Variants in RETREG1 observed in about 807,000 individuals in gnomAD.
The protein encoded by RETREG1 is family with sequence similarity 134 member B.
Under a neutral mutation model 54.8 loss-of-function variants are expected in RETREG1, and 44 were observed. The ratio of observed to expected loss-of-function variants is 0.80; its 90% confidence interval spans 0.63 to 1.03. The LOEUF (loss-of-function observed/expected upper bound fraction) is 1.03, where lower values mean the gene tolerates loss of function less well. Ranked by LOEUF, RETREG1 falls within the 50% of genes least tolerant of loss-of-function variation. RETREG1 has a pLI of 0.00. For synonymous variants in RETREG1, 217 were observed against 238.5 expected, an observed-to-expected ratio of 0.91 and a Z score of 0.83; for missense variants, 554 against 605.1, an observed-to-expected ratio of 0.92 and a Z score of 0.89.
intron 1 of RETREG1, among the ~76,000 whole-genome samples, chr5:16,575,163 T>G (rs1416633193): frequency 1.3e-5 from 2 of 152,194 alleles, no homozygotes; most frequent in African/African-American, 4.8e-5. Context: ...GAAAAACAAG[T>G]TTTGAAAAAT....
intron 3 of RETREG1, among the ~76,000 whole-genome samples, chr5:16,493,316 C>T (rs894864479): frequency 6.6e-6 from 1 of 152,102 alleles, no homozygotes; most frequent in Non-Finnish European, 1.5e-5. Flanking sequence ...CATTTTTCAG[C>T]GTTTTTAATT....
chr5:16,556,885 A>G (rs1741725313), intron 3 of RETREG1, among the ~76,000 whole-genome samples: 1 of 152,184 alleles, frequency 6.6e-6, no homozygotes, highest in East Asian at 1.9e-4. Flanking sequence ...GCTGGAGTAC[A>G]GTGGCACCAT....
intron 1 of RETREG1, among the ~76,000 whole-genome samples, chr5:16,612,174 G>GGGGT (rs1743363231): frequency 6.6e-6 from 1 of 152,152 alleles, no homozygotes; most frequent in Non-Finnish European, 1.5e-5. Context: ...TCAGTCCCCA[G>GGGGT]GGGTGGGTGC....
At chr5:16,554,987 C>T (rs1015321978) in intron 3 of RETREG1, among the ~76,000 whole-genome samples, 1 of 152,136 alleles carries the variant, frequency 6.6e-6, no homozygotes, top group Non-Finnish European at 1.5e-5. Context: ...TTCCTGAGTG[C>T]CACATTACAA....
chr5:16,553,664 G>A (rs1037816184), intron 3 of RETREG1, among the ~76,000 whole-genome samples: 1 of 152,014 alleles, frequency 6.6e-6, no homozygotes, highest in Non-Finnish European at 1.5e-5. Context: ...CAAACTTCAG[G>A]ACCATGCTTG....
intron 1 of RETREG1, among the ~76,000 whole-genome samples, chr5:16,587,911 C>A (rs1742664633): frequency 6.6e-6 from 1 of 152,172 alleles, no homozygotes; most frequent in African/African-American, 2.4e-5. Context: ...CAATCCCTTT[C>A]CAGGTGAATG....
chr5:16,576,288 CTTTTTCT>C (rs1742314664), intron 1 of RETREG1, among the ~76,000 whole-genome samples: 1 of 139,658 alleles, frequency 7.2e-6, no homozygotes, highest in African/African-American at 2.7e-5. Flanking sequence ...AAGATTTTTT[CTTTTTCT>C]TTTTTTTTTT....
chr5:16,576,354 G>A (rs557997242), intron 1 of RETREG1, among the ~76,000 whole-genome samples: 7 of 149,110 alleles, frequency 4.7e-5, no homozygotes, highest in Non-Finnish European at 4.4e-5. Flanking sequence ...GGGCAGTGGC[G>A]CAATCTTGGC....
At chr5:16,562,354 T>TA (rs1374520556) in intron 3 of RETREG1, among the ~76,000 whole-genome samples, 1 of 152,028 alleles carries the variant, frequency 6.6e-6, no homozygotes, top group Non-Finnish European at 1.5e-5. Context: ...TTAAGACACT[T>TA]ACCCAAGGCA....
chr5:16,529,177 A>C (rs973266256), intron 3 of RETREG1, among the ~76,000 whole-genome samples: 8 of 152,188 alleles, frequency 5.3e-5, no homozygotes, highest in African/African-American at 1.9e-4. Flanking sequence ...AAAATCTACA[A>C]ATGCAAATAA....
At chr5:16,475,307 A>T in intron 8 of RETREG1, 73 bp from the exon 9 acceptor site, 4 of 1,549,458 alleles carry the variant, frequency 2.6e-6, no homozygotes, top group Non-Finnish European at 3.5e-6. Flanking sequence ...GTCTAAAGAT[A>T]TCTGACTTTA....
chr5:16,530,593 C>G (rs1740882351), intron 3 of RETREG1, among the ~76,000 whole-genome samples: 1 of 152,178 alleles, frequency 6.6e-6, no homozygotes, highest in Admixed American at 6.5e-5. Context: ...CACCTGAGGG[C>G]CGGGCACAGT....
intron 3 of RETREG1, among the ~76,000 whole-genome samples, chr5:16,511,503 C>T (rs1203853505): frequency 2.0e-5 from 3 of 152,216 alleles, no homozygotes; most frequent in South Asian, 2.1e-4. Flanking sequence ...TATAACCCCA[C>T]AGTAGGTCAA....
Position 16,582,903 on chromosome 5 carries a change from A to G in RETREG1, c.321-10801T>C, listed in dbSNP as rs145476098. Among the ~76,000 whole-genome samples, 140 of 152,290 alleles carry G rather than the reference A, an allele frequency of 9.2e-4. 2 individuals are homozygous for G. The East Asian group carries it at 0.021, about 23-fold the overall frequency. ...GTAAGCCAGCATCTTCCCTCTCTCT[A>G]CATGGATCACTCGGACCCCTGCCAT... On this transcript the variant is annotated intron_variant, in intron 1 of 8. Transcript: ENST00000306320.
chr5:16,571,106 T>C (rs1742161593), intron 2 of RETREG1, among the ~76,000 whole-genome samples: 1 of 152,182 alleles, frequency 6.6e-6, no homozygotes, highest in Non-Finnish European at 1.5e-5. Flanking sequence ...TAGAACACCA[T>C]GATAGTAAAT....
chr5:16,580,952 T>C (rs1201408084), intron 1 of RETREG1, among the ~76,000 whole-genome samples: 1 of 152,186 alleles, frequency 6.6e-6, no homozygotes, highest in Non-Finnish European at 1.5e-5. Context: ...GAGAGGCCCG[T>C]GCCTAGTCAC....
rs757708271 is a variant in RETREG1 at position 16,475,069 on chromosome 5, T to C, written c.1166A>G (p.Glu389Gly). 1.9e-6 allele frequency: 3 copies of C among 1,613,858 alleles called. No individual in the cohort carries two copies. Among genetic ancestry groups the C allele is most frequent in the Non-Finnish European group, 2.5e-6 (3 of 1,179,922 alleles). ...GGTGAGACCAGCTGCTGATTGCGTC[T>C]CTTTGCTTGGTCTGTGACCACTGTC... ...QLDSGHRPSK[E>G]TQSAAGLTLP... Residue 389 changes from glutamate (E) to glycine (G), a missense_variant, in exon 9 of 9, where the codon GAG (glutamate) becomes GGG (glycine). Transcript: ENST00000306320.
chr5:16,562,737 T>C (rs542925657), intron 3 of RETREG1, among the ~76,000 whole-genome samples: 1 of 152,342 alleles, frequency 6.6e-6, no homozygotes, highest in South Asian at 2.1e-4. Context: ...CAATGACTAG[T>C]ACACCTCAAA....
At chr5:16,515,087 T>C (rs1245336924) in intron 3 of RETREG1, among the ~76,000 whole-genome samples, 1 of 151,950 alleles carries the variant, frequency 6.6e-6, no homozygotes, top group Non-Finnish European at 1.5e-5. Context: ...GTCTTTTTCA[T>C]ATAATAGCTT....
Sources: gnomAD v4.1 joint callset for allele counts (sites outside exome capture counted in the v4.1 genomes callset) on GRCh38, gnomAD v4.1.1 for gene constraint, MANE v1.5 for transcripts, NCBI Gene and HGNC (gene_info 2026-07-23, HGNC 2026-07-21) for gene names.